The following CACNA1E variants were observed in gnomAD, a reference collection of about 807,000 sequenced individuals.
The protein encoded by CACNA1E is voltage-dependent R-type calcium channel subunit alpha-1E.
A neutral mutation model predicts 259.2 loss-of-function variants in CACNA1E; 40 were observed. The ratio of observed to expected loss-of-function variants is 0.15; its 90% CI spans 0.12 to 0.20. CACNA1E has a LOEUF of 0.20. Among genes scored for constraint, CACNA1E ranks in the 10% least tolerant of loss-of-function variants. The pLI, the probability that CACNA1E is intolerant of heterozygous loss-of-function variation, is 1.00. For synonymous variants in CACNA1E, 1,104 were observed against 1,138.5 expected (o/e 0.97, Z 0.61); for missense variants, 1,874 against 3,040.1 (o/e 0.62, Z 9.02).
At position 181,775,846 on chromosome 1, in the gene CACNA1E, A is replaced by G. The variant is rs116389205; in HGVS notation, c.5140-255A>G. On this transcript the variant is annotated intron_variant, in intron 37 of 47. Transcript: ENST00000367573. ...GACCACACAGCCTGCAGAGCCTAAAATATTTGCTATCTGACCAGTTCACCG... is the reference window on the plus strand; with the variant it reads ...GACCACACAGCCTGCAGAGCCTAAAGTATTTGCTATCTGACCAGTTCACCG... Among the ~76,000 whole-genome samples the G allele has an allele frequency of 0.02, 3,062 of 152,238 alleles. 34 individuals are homozygous for G. Among genetic ancestry groups the G allele is most frequent in the Middle Eastern group, 0.034 (10 of 294 alleles).
chr1:181,494,405 A>C (rs532546863), intron 1 of CACNA1E, among the ~76,000 whole-genome samples: 8 of 150,696 alleles, frequency 5.3e-5, no homozygotes, highest in African/African-American at 1.9e-4. Context: ...ATATGAATTG[A>C]TGACAGAGTT....
intron 1 of CACNA1E, among the ~76,000 whole-genome samples, chr1:181,371,336 A>C (rs1025004459): frequency 5.3e-5 from 8 of 152,138 alleles, no homozygotes; most frequent in Non-Finnish European, 1.0e-4. Flanking sequence ...ATCATAGGTC[A>C]CTGCAGCCTC....
At chr1:181,659,207 G>T (rs1647347011) in intron 7 of CACNA1E, among the ~76,000 whole-genome samples, 1 of 152,092 alleles carries the variant, frequency 6.6e-6, no homozygotes, top group South Asian at 2.1e-4. Context: ...GTGAGAGGGG[G>T]CAGGCCACAT....
chr1:181,411,190 C>A (rs760508142), intron 1 of CACNA1E, among the ~76,000 whole-genome samples: 7 of 152,162 alleles, frequency 4.6e-5, no homozygotes, highest in Non-Finnish European at 1.5e-5. Context: ...CACAAGGACT[C>A]CCCCCAGTAC....
chr1:181,677,029 TTCC>T (rs1414723964), intron 7 of CACNA1E, among the ~76,000 whole-genome samples: 2 of 152,296 alleles, frequency 1.3e-5, no homozygotes, highest in Admixed American at 1.3e-4. Context: ...TCTCAGCTTC[TTCC>T]TCCTCTTTAG....
rs1421075013 is a variant in CACNA1E, at chr1:181,804,925, A to T, written c.*6091A>T. On this transcript the variant is annotated 3_prime_UTR_variant, in exon 48 of 48. Coordinates refer to ENST00000367573, the MANE Select transcript of CACNA1E (RefSeq NM_001205293.3). ...TATTCTTCTTGTTGTCTCTCTAATT[A>T]AAAAAAAAAAAAACCTAGGCTTTTT... The T allele has an allele frequency of 4.1e-5, 5 of 122,168 alleles. No individual in the cohort carries two copies. Among genetic ancestry groups the T allele is most frequent in the South Asian group, 2.6e-4 (1 of 3,830 alleles). The allele number at this position is 122,168 out of a possible 1,614,324, so 7.6% of individuals were successfully genotyped here. A position where few individuals can be genotyped will look rare whatever the true frequency, so the allele number is the denominator to read the frequency against.
At chr1:181,386,872 C>G (rs1054866427) in intron 1 of CACNA1E, among the ~76,000 whole-genome samples, 10 of 152,276 alleles carry the variant, frequency 6.6e-5, no homozygotes, top group Admixed American at 2.0e-4. Context: ...ATGTGTGTTC[C>G]CATTTCTCCT....
At chr1:181,748,234 G>A (rs559982351) in intron 25 of CACNA1E, among the ~76,000 whole-genome samples, 38 of 152,264 alleles carry the variant, frequency 2.5e-4, no homozygotes, top group African/African-American at 8.7e-4. Flanking sequence ...TGGCAGCCAC[G>A]TTCAGCTGTT....
chr1:181,400,749 A>C (rs1269298645), intron 1 of CACNA1E, among the ~76,000 whole-genome samples: 1 of 152,090 alleles, frequency 6.6e-6, no homozygotes, highest in Non-Finnish European at 1.5e-5. Context: ...GCCTCTCCCC[A>C]GTCCTGATGG....
chr1:181,327,405 ATATC>A (rs1462223355), intron 1 of CACNA1E, among the ~76,000 whole-genome samples: 1 of 152,170 alleles, frequency 6.6e-6, no homozygotes, highest in Non-Finnish European at 1.5e-5. Context: ...TGGTATATAT[ATATC>A]TGTGTAGAAA....
intron 6 of CACNA1E, among the ~76,000 whole-genome samples, chr1:181,611,532 T>C (rs1005819022): frequency 4.6e-5 from 7 of 152,166 alleles, no homozygotes. Context: ...CAGGTGCACC[T>C]CTACTGTCAA....
intron 3 of CACNA1E, among the ~76,000 whole-genome samples, chr1:181,572,217 A>G (rs1999838): frequency 0.37 from 56,496 of 151,928 alleles, 10,693 homozygotes; most frequent in Admixed American, 0.47. Context: ...TTCAAAGGGA[A>G]TGCAAGGTTG....
chr1:181,758,452 T>C lies in CACNA1E; in HGVS notation c.4495-306T>C, dbSNP rs562851046. Among the ~76,000 whole-genome samples the C allele has an allele frequency of 6.6e-6, 1 of 152,288 alleles. No individual in the cohort carries two copies. Among genetic ancestry groups the C allele is most frequent in the East Asian group, 1.9e-4 (1 of 5,188 alleles). ...AGTATTCAGAGAGGCTCATCCTATT[T>C]AATATTAAATGACTAACTCCAGTAA... On this transcript the variant is annotated intron_variant, in intron 31 of 47. Transcript: ENST00000367573. This position sits in a 1 kb window ranked among gnomAD's most constrained non-coding sequence, Gnocchi z 4.2.
intron 1 of CACNA1E, among the ~76,000 whole-genome samples, chr1:181,352,898 A>G (rs1653144394): frequency 8.2e-6 from 1 of 121,944 alleles, no homozygotes; most frequent in South Asian, 2.7e-4. Flanking sequence ...GTGGGCTGCA[A>G]GAGAGGAGCA....
intron 1 of CACNA1E, among the ~76,000 whole-genome samples, chr1:181,345,614 G>T (rs1484715518): frequency 6.6e-6 from 1 of 152,196 alleles, no homozygotes; most frequent in East Asian, 1.9e-4. Flanking sequence ...AGACATAGAT[G>T]AACACGCTGG....
intron 5 of CACNA1E, among the ~76,000 whole-genome samples, chr1:181,579,425 A>T (rs1030264251): frequency 6.6e-6 from 1 of 152,218 alleles, no homozygotes; most frequent in African/African-American, 2.4e-5. Context: ...ATTGCAAAGC[A>T]AATATGTAGT....
chr1:181,458,671 T>C (rs1157362896), intron 2 of CACNA1E, among the ~76,000 whole-genome samples: 2 of 152,250 alleles, frequency 1.3e-5, no homozygotes, highest in East Asian at 1.9e-4. Flanking sequence ...CCTATGAATA[T>C]AGAAACTTTT....
At chr1:181,437,938 A>G (rs1172454707) in intron 2 of CACNA1E, among the ~76,000 whole-genome samples, 1 of 152,174 alleles carries the variant, frequency 6.6e-6, no homozygotes, top group Non-Finnish European at 1.5e-5. Context: ...TTGACATCTT[A>G]ACTCAGGTGT....
At chr1:181,667,990 T>C (rs900560475) in intron 7 of CACNA1E, among the ~76,000 whole-genome samples, 2 of 152,026 alleles carry the variant, frequency 1.3e-5, no homozygotes, top group African/African-American at 4.8e-5. Context: ...AACCAGAAAA[T>C]TGACACTGGT....
Sources: allele counts gnomAD v4.1 joint callset (sites outside exome capture counted in the v4.1 genomes callset), GRCh38; gene constraint gnomAD v4.1.1; non-coding constraint Gnocchi (gnomAD v3.1); transcripts MANE v1.5; gene names NCBI Gene and HGNC (gene_info 2026-07-23, HGNC 2026-07-21).